Variants in DSCAML1 observed in about 807,000 individuals in gnomAD.
DSCAML1 encodes DS cell adhesion molecule like 1.
Under a neutral mutation model 200.5 loss-of-function variants are expected in DSCAML1, and 38 were observed. The observed-to-expected ratio is 0.19, with a 90% CI of 0.15 to 0.25. DSCAML1 has a LOEUF of 0.25. Ranked by LOEUF, DSCAML1 falls within the 10% of genes least tolerant of loss-of-function variation. DSCAML1 has a pLI of 1.00. For missense variants in DSCAML1, 2,223 were observed against 2,858.8 expected (o/e 0.78, Z 5.07); for synonymous variants, 1,215 against 1,165.0 (o/e 1.04, Z -0.87).
intron 3 of DSCAML1, among the ~76,000 whole-genome samples, chr11:117,751,507 C>T (rs1654443220): frequency 6.6e-6 from 1 of 151,846 alleles, no homozygotes; most frequent in African/African-American, 2.4e-5. Flanking sequence ...CTACTTCTCT[C>T]TGTAACATGC....
In DSCAML1 at chr11:117,480,104, T is replaced by C. The variant is rs2048880266; in HGVS notation, c.2785+339A>G. ...TATGACCTGGCCAAACCCGTGATGC[T>C]TCTGATGCCAGAGACAGCCCACAGC... On this transcript the variant is annotated intron_variant, in intron 14 of 32. Transcript: ENST00000651296. This position sits in a 1 kb window ranked among gnomAD's most constrained non-coding sequence, Gnocchi z 4.1. Among the ~76,000 whole-genome samples the C allele has an allele frequency of 6.6e-6, 1 of 152,188 alleles. No individual in the cohort carries two copies.
At chr11:117,692,123 A>T (rs1274849969) in intron 3 of DSCAML1, among the ~76,000 whole-genome samples, 1 of 152,060 alleles carries the variant, frequency 6.6e-6, no homozygotes, top group Non-Finnish European at 1.5e-5. Context: ...GAGGTGATGC[A>T]AGGTGTCCTT....
chr11:117,782,135 T>A (rs981168955), intron 1 of DSCAML1, among the ~76,000 whole-genome samples: 1 of 152,192 alleles, frequency 6.6e-6, no homozygotes, highest in Non-Finnish European at 1.5e-5. Flanking sequence ...GGACCCAACT[T>A]GACCTCAATG....
At chr11:117,629,106 A>G (rs1417469255) in intron 3 of DSCAML1, among the ~76,000 whole-genome samples, 2 of 152,286 alleles carry the variant, frequency 1.3e-5, no homozygotes, top group Non-Finnish European at 2.9e-5. Context: ...GGAAGTTAGA[A>G]ATGGCATATT....
intron 3 of DSCAML1, among the ~76,000 whole-genome samples, chr11:117,735,403 G>A (rs925616428): frequency 2.0e-5 from 3 of 152,162 alleles, no homozygotes; most frequent in Non-Finnish European, 4.4e-5. Context: ...ACTAAAGCGT[G>A]GAGAAGATGC....
intron 3 of DSCAML1, among the ~76,000 whole-genome samples, chr11:117,600,419 G>A (rs776247047): frequency 6.6e-6 from 1 of 152,178 alleles, no homozygotes; most frequent in Non-Finnish European, 1.5e-5. Flanking sequence ...TCTGGATCAT[G>A]TCGGGGAGCA....
chr11:117,678,997 A>T (rs2053265648), intron 3 of DSCAML1, among the ~76,000 whole-genome samples: 1 of 152,258 alleles, frequency 6.6e-6, no homozygotes, highest in Admixed American at 6.5e-5. Context: ...CTGCAGCCAA[A>T]GTGATGGCAC....
upstream of DSCAML1, chr11:117,800,712 T>C (rs187352947): frequency 6.6e-6 from 1 of 151,992 alleles, no homozygotes; most frequent in East Asian, 1.9e-4. Context: ...TTTGTTTTTG[T>C]TTTTTTTAAA....
chr11:117,556,122 C>T (rs985801705), intron 3 of DSCAML1, among the ~76,000 whole-genome samples: 9 of 152,200 alleles, frequency 5.9e-5, no homozygotes. Flanking sequence ...CAGCACCAAT[C>T]TCAGAGGCGC....
intron 3 of DSCAML1, among the ~76,000 whole-genome samples, chr11:117,673,273 A>G (rs75918425): frequency 3.3e-5 from 5 of 152,328 alleles, no homozygotes; most frequent in South Asian, 2.1e-4. Flanking sequence ...CCGAATATCA[A>G]TGATTTCTGA....
chr11:117,521,508 A>G (rs1409037469), intron 5 of DSCAML1, 103 bp from the exon 6 acceptor site: 3 of 1,284,134 alleles, frequency 2.3e-6, no homozygotes, highest in African/African-American at 1.5e-5. Flanking sequence ...AGGGGTCACA[A>G]AAGGCCCAGG....
intron 3 of DSCAML1, among the ~76,000 whole-genome samples, chr11:117,657,874 C>T (rs1022514832): frequency 5.3e-5 from 8 of 152,058 alleles, no homozygotes; most frequent in African/African-American, 1.7e-4. Context: ...CTCCATGGCC[C>T]GAGGGAAAAG....
rs534203078 is a variant in DSCAML1, at chr11:117,442,483, G to A, written c.3862+1403C>T. ...CGCGTGCATATGCATGTGTTTGTGC[G>A]TGTGCACATGTATGAGTGTGCAGTG... is the stretch of plus-strand genomic sequence containing the variant. On this transcript the variant is annotated intron_variant, in intron 21 of 32. Coordinates refer to ENST00000651296, the MANE Select transcript of DSCAML1 (RefSeq NM_020693.4). Among the ~76,000 whole-genome samples, 8 of 152,042 alleles carry A rather than the reference G, an allele frequency of 5.3e-5. No individual in the cohort carries two copies. In the South Asian group the frequency reaches 1.2e-3, roughly 24 times the overall value.
intron 3 of DSCAML1, among the ~76,000 whole-genome samples, chr11:117,591,896 G>A (rs1193499490): frequency 1.3e-5 from 2 of 152,172 alleles, no homozygotes; most frequent in East Asian, 3.9e-4. Flanking sequence ...AGGCATGTGG[G>A]GTTCTGTGCT....
chr11:117,769,551 TATATATATTTTA>T (rs1236682967), intron 3 of DSCAML1, among the ~76,000 whole-genome samples: 30 of 1,704 alleles, frequency 0.018, 2 homozygotes, highest in East Asian at 0.071. Context: ...ATATATTTTA[TATATATATTTTA>T]TATATATTAT....
rs1013221573 is a variant in DSCAML1 at position 117,469,434 on chromosome 11, T to A, written c.3024+476A>T. Among the ~76,000 whole-genome samples, 1 of 152,228 alleles carries A rather than the reference T, an allele frequency of 6.6e-6. No individual in the cohort carries two copies. Among genetic ancestry groups the A allele is most frequent in the African/African-American group, 2.4e-5 (1 of 41,448 alleles). On this transcript the variant is annotated intron_variant, in intron 16 of 32. Transcript: ENST00000651296. The surrounding 1 kb of genome is among the most constrained non-coding windows in gnomAD (Gnocchi z 4.1). ...GATGCTTCAGTCACCCCCTATATTTTACAGGTCTTTGCCCTTAGAAATGGC... is the reference window on the plus strand; with the variant it reads ...GATGCTTCAGTCACCCCCTATATTTAACAGGTCTTTGCCCTTAGAAATGGC...
chr11:117,768,448 G>T (rs1046389749), intron 3 of DSCAML1, among the ~76,000 whole-genome samples: 1 of 152,154 alleles, frequency 6.6e-6, no homozygotes, highest in Non-Finnish European at 1.5e-5. Context: ...ACCTCTTTGG[G>T]TGGCTGCAGC....
chr11:117,798,186 C>T (rs545488235), upstream of DSCAML1, among the ~76,000 whole-genome samples: 1 of 152,378 alleles, frequency 6.6e-6, no homozygotes, highest in South Asian at 2.1e-4. Flanking sequence ...AGGACTGTAG[C>T]TCCCTTTGCA....
chr11:117,431,508 G>A (rs774862337), intron 31 of DSCAML1, 26 bp downstream of exon 31: 12 of 1,519,088 alleles, frequency 7.9e-6, no homozygotes, highest in Non-Finnish European at 1.1e-5. Context: ...GAGGTGTTCA[G>A]GATGCCAGCA....
Sources: gnomAD v4.1 joint callset for allele counts (sites outside exome capture counted in the v4.1 genomes callset) on GRCh38, gnomAD v4.1.1 for gene constraint, Gnocchi (gnomAD v3.1) non-coding constraint, MANE v1.5 for transcripts, NCBI Gene and HGNC (gene_info 2026-07-23, HGNC 2026-07-21) for gene names.